Variants in TP63 observed in about 807,000 individuals in gnomAD.
TP63 encodes tumor protein 63.
TP63 carries 17 observed loss-of-function variants against 82.8 expected under a neutral mutation model. The ratio of observed to expected loss-of-function variants is 0.21; its 90% confidence interval spans 0.14 to 0.31. The LOEUF (loss-of-function observed/expected upper bound fraction) is 0.31. TP63 is among the 10% of genes least tolerant of loss of function. The probability of loss-of-function intolerance (pLI) is 1.00; values close to 1 mark genes in which losing one functional copy is unlikely to be tolerated. For synonymous variants in TP63, 330 were observed against 321.7 expected (o/e 1.03, Z -0.28); for missense variants, 648 against 895.3 (o/e 0.72, Z 3.52).
chr3:189,706,609 C>T lies in TP63; in HGVS notation c.63-31131C>T, dbSNP rs186275564. Among the ~76,000 whole-genome samples, 634 of 152,224 alleles carry T rather than the reference C, an allele frequency of 4.2e-3. 10 individuals are homozygous for T. The highest frequency in any genetic ancestry group is 4.9e-3 in the Non-Finnish European group (335 of 68,020). On this transcript the variant is annotated intron_variant, in intron 1 of 13. Transcript: ENST00000264731. ...CTTGGAGACTCTTCCCATCTTCTGC[C>T]GTGGGCTCTCTGCATCTTGTGACAT...
intron 1 of TP63, among the ~76,000 whole-genome samples, chr3:189,656,109 T>A (rs1209340729): frequency 2.0e-5 from 3 of 152,180 alleles, no homozygotes; most frequent in Non-Finnish European, 4.4e-5. Flanking sequence ...ACTTTTTTTA[T>A]CCTTAATTGG....
the TP63 span, among the ~76,000 whole-genome samples, chr3:189,618,305 G>T: frequency 6.6e-6 from 1 of 152,296 alleles, no homozygotes; most frequent in South Asian, 2.1e-4. Context: ...TCAGGTCAAA[G>T]AATCTAATGA....
chr3:189,655,139 C>T (rs1388384653), intron 1 of TP63, among the ~76,000 whole-genome samples: 1 of 152,068 alleles, frequency 6.6e-6, no homozygotes, highest in Admixed American at 6.5e-5. Context: ...TATTGGAACA[C>T]AATGTAAATG....
At chr3:189,798,982 A>G (rs574892368) in intron 3 of TP63, among the ~76,000 whole-genome samples, 1 of 152,232 alleles carries the variant, frequency 6.6e-6, no homozygotes, top group South Asian at 2.1e-4. Flanking sequence ...TAACTTAAAA[A>G]GTAGCAATCA....
intron 5 of TP63, 35 bp from the exon 6 acceptor site, chr3:189,866,647 A>G (rs34563218): frequency 1.7e-4 from 267 of 1,581,478 alleles, no homozygotes; most frequent in Admixed American, 2.2e-4. Context: ...TTTTAAGGTA[A>G]AGAACTAACT....
intron 4 of TP63, among the ~76,000 whole-genome samples, chr3:189,862,477 T>C (rs527252539): frequency 6.6e-5 from 10 of 152,352 alleles, no homozygotes; most frequent in African/African-American, 2.2e-4. Flanking sequence ...ATGTTTTCCT[T>C]AAGAAACTTC....
At chr3:189,743,624 AG>A (rs1462173076) in intron 3 of TP63, among the ~76,000 whole-genome samples, 1 of 152,226 alleles carries the variant, frequency 6.6e-6, no homozygotes, top group Non-Finnish European at 1.5e-5. Context: ...AGTTTTAGAA[AG>A]GAGTCTTCAA....
At chr3:189,781,035 G>A (rs948912978) in intron 3 of TP63, among the ~76,000 whole-genome samples, 5 of 152,258 alleles carry the variant, frequency 3.3e-5, no homozygotes, top group South Asian at 2.1e-4. Context: ...GAAAATCCGA[G>A]AACGTCAGGC....
intron 10 of TP63, among the ~76,000 whole-genome samples, chr3:189,883,472 A>C (rs563989532): frequency 3.7e-4 from 57 of 152,246 alleles, no homozygotes; most frequent in Admixed American, 3.7e-3. Flanking sequence ...ACCTCTGGCC[A>C]CTTCCTCCTA....
chr3:189,654,810 C>G (rs1025261371), intron 1 of TP63, among the ~76,000 whole-genome samples: 1 of 152,202 alleles, frequency 6.6e-6, no homozygotes, highest in Non-Finnish European at 1.5e-5. Context: ...CCTGGCTCAA[C>G]TATTTTGCCA....
chr3:189,749,223 A>C (rs1721611998), intron 3 of TP63, among the ~76,000 whole-genome samples: 1 of 152,192 alleles, frequency 6.6e-6, no homozygotes, highest in Non-Finnish European at 1.5e-5. Context: ...TCTGCACAGC[A>C]AAGAAAGCAA....
chr3:189,882,210 C>A (rs1241570068), intron 10 of TP63, among the ~76,000 whole-genome samples: 1 of 152,012 alleles, frequency 6.6e-6, no homozygotes, highest in East Asian at 1.9e-4. Context: ...ATTTGCTTTT[C>A]TTTCAGAAGG....
chr3:189,656,695 T>C (rs1474860101), intron 1 of TP63, among the ~76,000 whole-genome samples: 1 of 152,108 alleles, frequency 6.6e-6, no homozygotes, highest in African/African-American at 2.4e-5. Context: ...AACACTAATA[T>C]AGAACAGCTA....
At position 189,676,247 on chromosome 3, in the gene TP63, A is replaced by C. The variant is rs573693702; in HGVS notation, c.62+44670A>C. Among the ~76,000 whole-genome samples, 7 of 152,220 alleles carry C rather than the reference A, an allele frequency of 4.6e-5. No individual in the cohort carries two copies. The South Asian group carries it at 1.4e-3, about 32-fold the overall frequency. ...ATTAACTATACTCATTATGCTGTACATTAAGTCTCTGGAATTTATTCATCC... is the reference window on the plus strand; with the variant it reads ...ATTAACTATACTCATTATGCTGTACCTTAAGTCTCTGGAATTTATTCATCC... On this transcript the variant is annotated intron_variant, in intron 1 of 13. Coordinates refer to ENST00000264731, the MANE Select transcript of TP63 (RefSeq NM_003722.5).
At chr3:189,846,161 A>C (rs1714840163) in intron 4 of TP63, among the ~76,000 whole-genome samples, 1 of 151,936 alleles carries the variant, frequency 6.6e-6, no homozygotes, top group African/African-American at 2.4e-5. Context: ...TTATTAGTAA[A>C]GGAGCTGAAT....
At chr3:189,870,111 T>C (rs16864884) in intron 9 of TP63, among the ~76,000 whole-genome samples, 19,214 of 152,146 alleles carry the variant, frequency 0.13, 1,509 homozygotes, top group South Asian at 0.21. Context: ...CTAGGCAGCA[T>C]GGCCATAGAA....
intron 4 of TP63, among the ~76,000 whole-genome samples, chr3:189,822,720 A>G (rs754307835): frequency 7.2e-5 from 11 of 152,174 alleles, no homozygotes; most frequent in Admixed American, 2.0e-4. Context: ...GCCTTAGCCC[A>G]AAATGACTCG....
chr3:189,796,551 T>TA (rs1281673385), intron 3 of TP63, among the ~76,000 whole-genome samples: 1 of 152,014 alleles, frequency 6.6e-6, no homozygotes, highest in African/African-American at 2.4e-5. Context: ...CTCTTTTTTT[T>TA]ACCAACCTAA....
chr3:189,841,717 C>T (rs1433977364), intron 4 of TP63, among the ~76,000 whole-genome samples: 1 of 152,144 alleles, frequency 6.6e-6, no homozygotes, highest in African/African-American at 2.4e-5. Flanking sequence ...AATGATGCAA[C>T]CTTCAGTAGA....
Sources: allele counts gnomAD v4.1 joint callset (sites outside exome capture counted in the v4.1 genomes callset), GRCh38; gene constraint gnomAD v4.1.1; transcripts MANE v1.5; gene names NCBI Gene and HGNC (gene_info 2026-07-23, HGNC 2026-07-21).